The following LRRC4C variants were observed in gnomAD, a reference collection of about 807,000 sequenced individuals.
LRRC4C encodes leucine-rich repeat-containing protein 4C.
Under a neutral mutation model 33.6 loss-of-function variants are expected in LRRC4C, and 5 were observed. The observed-to-expected ratio is 0.15, with a 90% confidence interval of 0.08 to 0.31. The LOEUF is 0.31. LRRC4C is among the 10% of genes least tolerant of loss of function. The probability of loss-of-function intolerance (pLI) is 1.00; values close to 1 mark genes in which losing one functional copy is unlikely to be tolerated. For synonymous variants in LRRC4C, 329 were observed against 302.0 expected, an observed-to-expected ratio of 1.09 and a Z score of -0.93; for missense variants, 560 against 796.7, an observed-to-expected ratio of 0.70 and a Z score of 3.58.
At chr11:40,293,785 C>T (rs1274533637) in intron 4 of LRRC4C, 21 of 152,174 alleles carry the variant, frequency 1.4e-4, no homozygotes, top group Non-Finnish European at 3.1e-4. Context: ...CGCAGACCTT[C>T]CCGATGTCTG....
At chr11:40,385,746 A>G (rs1186308248) in intron 3 of LRRC4C, among the ~76,000 whole-genome samples, 4 of 151,974 alleles carry the variant, frequency 2.6e-5, no homozygotes, top group Non-Finnish European at 5.9e-5. Context: ...ATGTGCTTGT[A>G]GTCCCAGCTA....
chr11:40,710,539 T>C (rs949081995), intron 2 of LRRC4C, among the ~76,000 whole-genome samples: 4 of 152,114 alleles, frequency 2.6e-5, no homozygotes, highest in African/African-American at 4.8e-5. Context: ...GAACAGCAAA[T>C]ATTGCAGAAC....
chr11:40,429,477 T>C (rs2137830390), intron 3 of LRRC4C, among the ~76,000 whole-genome samples: 1 of 152,268 alleles, frequency 6.6e-6, no homozygotes, highest in South Asian at 2.1e-4. Flanking sequence ...AACATTGACT[T>C]CTTTTAGACT....
chr11:40,835,443 T>C (rs1952627246), intron 2 of LRRC4C, among the ~76,000 whole-genome samples: 1 of 152,184 alleles, frequency 6.6e-6, no homozygotes, highest in Non-Finnish European at 1.5e-5. Flanking sequence ...CCATACTCCT[T>C]TGATTAAAGC....
intron 2 of LRRC4C, among the ~76,000 whole-genome samples, chr11:40,799,270 T>C (rs1008976512): frequency 1.3e-5 from 2 of 152,150 alleles, no homozygotes; most frequent in Non-Finnish European, 2.9e-5. Flanking sequence ...ACCTTTGCAT[T>C]GTTTTCTGAT....
intron 6 of LRRC4C, 21 bp from the exon 7 acceptor site, chr11:40,116,355 A>T: frequency 1.3e-6 from 2 of 1,517,960 alleles, no homozygotes; most frequent in South Asian, 1.3e-5. Flanking sequence ...CAAGCAAAAA[A>T]AACCAATTAT....
intron 1 of LRRC4C, among the ~76,000 whole-genome samples, chr11:41,028,129 G>A (rs1856498154): frequency 6.6e-6 from 1 of 151,324 alleles, no homozygotes; most frequent in African/African-American, 2.4e-5. Flanking sequence ...ATCCCCTCTA[G>A]AAATGTCATT....
intron 2 of LRRC4C, among the ~76,000 whole-genome samples, chr11:40,677,976 C>G (rs1027230445): frequency 1.3e-5 from 2 of 152,042 alleles, no homozygotes; most frequent in African/African-American, 4.8e-5. Context: ...AAGCCTGTGA[C>G]TTGGATGGCT....
At chr11:41,290,119 G>A (rs1456428427) in intron 1 of LRRC4C, among the ~76,000 whole-genome samples, 3 of 152,096 alleles carry the variant, frequency 2.0e-5, no homozygotes, top group Non-Finnish European at 4.4e-5. Flanking sequence ...GTATCTAGTC[G>A]GAGAGAGAGA....
chr11:40,223,401 CA>C (rs1035958028), intron 5 of LRRC4C, among the ~76,000 whole-genome samples: 4 of 152,140 alleles, frequency 2.6e-5, no homozygotes, highest in African/African-American at 9.7e-5. Flanking sequence ...CAAAAAGAAA[CA>C]TGTCAGGGCA....
chr11:40,787,509 T>C (rs537424015), intron 2 of LRRC4C, among the ~76,000 whole-genome samples: 25 of 152,304 alleles, frequency 1.6e-4, no homozygotes, highest in African/African-American at 6.0e-4. Flanking sequence ...TCCCATCTAG[T>C]TTCCTCCTTT....
chr11:40,137,222 G>A (rs1182344038), intron 6 of LRRC4C, among the ~76,000 whole-genome samples: 1 of 151,952 alleles, frequency 6.6e-6, no homozygotes, highest in African/African-American at 2.4e-5. Context: ...ACTTTTACCA[G>A]TAATCTTGTC....
intron 1 of LRRC4C, among the ~76,000 whole-genome samples, chr11:41,013,337 C>A (rs1465159416): frequency 1.3e-5 from 2 of 151,974 alleles, no homozygotes; most frequent in Non-Finnish European, 2.9e-5. Flanking sequence ...TTATTTTTTT[C>A]TTATCAGTGA....
intron 3 of LRRC4C, among the ~76,000 whole-genome samples, chr11:40,322,369 C>A (rs1472610539): frequency 6.6e-6 from 1 of 152,112 alleles, no homozygotes; most frequent in Non-Finnish European, 1.5e-5. Context: ...CCTCAGCCTC[C>A]CAGGTAGCTG....
At chr11:41,066,474 C>A (rs1001168392) in intron 1 of LRRC4C, among the ~76,000 whole-genome samples, 2 of 152,186 alleles carry the variant, frequency 1.3e-5, no homozygotes, top group Admixed American at 6.5e-5. Context: ...GAGAATGGAA[C>A]CAAGTTGAAA....
chr11:41,305,045 TG>T (rs555211844), intron 1 of LRRC4C, among the ~76,000 whole-genome samples: 22 of 2,054 alleles, frequency 0.011, 1 homozygote, highest in Non-Finnish European at 0.015. Context: ...GGGAGGGAGG[TG>T]GGGGGGGGGT....
At chr11:40,123,346 C>CCTAAGGACT (rs1855971858) in intron 6 of LRRC4C, among the ~76,000 whole-genome samples, 1 of 151,872 alleles carries the variant, frequency 6.6e-6, no homozygotes, top group Non-Finnish European at 1.5e-5. Flanking sequence ...TTTGGAAAAC[C>CCTAAGGACT]CTAAGGACTC....
At chr11:40,326,651 CA>C (rs1333931792) in intron 3 of LRRC4C, among the ~76,000 whole-genome samples, 2 of 151,350 alleles carry the variant, frequency 1.3e-5, no homozygotes, top group Non-Finnish European at 2.9e-5. Context: ...CAAGGACGAA[CA>C]AAAAAACATT....
intron 1 of LRRC4C, among the ~76,000 whole-genome samples, chr11:41,093,067 C>G (rs1372106804): frequency 6.6e-6 from 1 of 152,088 alleles, no homozygotes; most frequent in African/African-American, 2.4e-5. Context: ...AATATACACA[C>G]CCATAGAGTA....
Sources: allele counts gnomAD v4.1 joint callset (sites outside exome capture counted in the v4.1 genomes callset), GRCh38; gene constraint gnomAD v4.1.1; transcripts MANE v1.5; gene names NCBI Gene and HGNC (gene_info 2026-07-23, HGNC 2026-07-21).